Variants in SAE1 observed in about 807,000 individuals in gnomAD.
SAE1 encodes the protein SUMO-activating enzyme subunit 1.
A neutral mutation model predicts 40.6 loss-of-function variants in SAE1; 11 were observed. The observed-to-expected ratio is 0.27, with a 90% CI of 0.17 to 0.45. The LOEUF (loss-of-function observed/expected upper bound fraction) is 0.45. Among genes scored for constraint, SAE1 ranks in the 20% least tolerant of loss-of-function variants. The probability of loss-of-function intolerance (pLI) is 1.00; values close to 1 mark genes in which losing one functional copy is unlikely to be tolerated. For missense variants in SAE1, 373 were observed against 427.3 expected, an observed-to-expected ratio of 0.87 and a Z score of 1.12; for synonymous variants, 155 against 154.3, an observed-to-expected ratio of 1.00 and a Z score of -0.03.
intron 6 of SAE1, among the ~76,000 whole-genome samples, chr19:47,194,713 T>C (rs1213687427): frequency 6.7e-6 from 1 of 150,270 alleles, no homozygotes; most frequent in African/African-American, 2.4e-5. Context: ...CAAGGTGTAG[T>C]GGGCAGTTAG....
intron 6 of SAE1, among the ~76,000 whole-genome samples, chr19:47,189,802 C>G (rs1246050859): frequency 6.6e-6 from 1 of 152,118 alleles, no homozygotes; most frequent in African/African-American, 2.4e-5. Flanking sequence ...TACTAAAGTA[C>G]TGGTTTATTC....
chr19:47,197,506 G>A, intron 7 of SAE1, 129 bp downstream of exon 7: 1 of 636,040 alleles, frequency 1.6e-6, no homozygotes, highest in Non-Finnish European at 2.6e-6. Flanking sequence ...GCTCGCTCCT[G>A]TAGACTTCTG....
intron 7 of SAE1, among the ~76,000 whole-genome samples, chr19:47,202,477 G>A (rs983113939): frequency 1.3e-5 from 2 of 151,510 alleles, no homozygotes; most frequent in East Asian, 2.0e-4. Flanking sequence ...TAGTAGAAAC[G>A]GGGTTTCACC....
chr19:47,171,167 G>T (rs1010819146), intron 6 of SAE1, among the ~76,000 whole-genome samples: 8 of 151,718 alleles, frequency 5.3e-5, no homozygotes, highest in African/African-American at 1.5e-4. Context: ...TAGAGACAGG[G>T]TTTCACCATG....
chr19:47,180,380 G>A (rs2058498362), intron 6 of SAE1: 1 of 395,532 alleles, frequency 2.5e-6, no homozygotes, highest in East Asian at 7.2e-5. Flanking sequence ...AAAAGAACAA[G>A]AAGAATAATC....
chr19:47,192,200 G>A (rs896829942), intron 6 of SAE1, among the ~76,000 whole-genome samples: 1 of 152,082 alleles, frequency 6.6e-6, no homozygotes, highest in East Asian at 1.9e-4. Flanking sequence ...CGATAACCTG[G>A]TGAGCGGGTA....
At chr19:47,180,753 G>A (rs1407756202) in intron 6 of SAE1, among the ~76,000 whole-genome samples, 1 of 152,164 alleles carries the variant, frequency 6.6e-6, no homozygotes, top group African/African-American at 2.4e-5. Context: ...AGCGCAGGAG[G>A]TCGAAGCTGC....
At chr19:47,184,798 TTTTTGTTTTGTTTTGTTTTG>T (rs201318034) in intron 6 of SAE1, among the ~76,000 whole-genome samples, 115 of 148,568 alleles carry the variant, frequency 7.7e-4, no homozygotes, top group South Asian at 1.5e-3. Context: ...TTTTGTTTTG[TTTTTGTTTTGTTTTGTTTTG>T]TTTTGTTTTG....
chr19:47,198,220 C>G (rs1230276635), intron 7 of SAE1, among the ~76,000 whole-genome samples: 1 of 152,150 alleles, frequency 6.6e-6, no homozygotes, highest in African/African-American at 2.4e-5. Flanking sequence ...AGCGATTCTC[C>G]TAACTCAGCC....
At chr19:47,186,785 G>A (rs1398054051) in intron 6 of SAE1, among the ~76,000 whole-genome samples, 1 of 152,180 alleles carries the variant, frequency 6.6e-6, no homozygotes, top group Admixed American at 6.5e-5. Context: ...AGACGAAAGC[G>A]TGGGCAGGAC....
Position 47,202,529 on chromosome 19 carries a change from G to A in SAE1, c.879-1142G>A, listed in dbSNP as rs140846538. ...TCTCGATCTCTTGACTTTGTGATCC[G>A]CCCACCTCGACCTCCCAAAGTGCTG... On this transcript the variant is annotated intron_variant, in intron 7 of 8. Transcript: ENST00000270225. 1.7e-3 allele frequency among the ~76,000 whole-genome samples: 250 copies of A among 151,364 alleles called. 5 individuals carry two copies. The highest frequency in any genetic ancestry group is 0.013 in the Admixed American group (193 of 15,194).
At chr19:47,156,623 A>T (rs1320895614) in intron 5 of SAE1, among the ~76,000 whole-genome samples, 2 of 145,776 alleles carry the variant, frequency 1.4e-5, no homozygotes, top group African/African-American at 2.5e-5. Flanking sequence ...GGTTCAAGAG[A>T]TTTTCCTGCC....
rs748067590 is a variant in SAE1 at position 47,197,317 on chromosome 19, G to A, written c.818G>A (p.Arg273Gln). ...EEDSELLLQI[R>Q]NDVLDSLGIS... is the part of the protein sequence containing the mutation. ...GATTCTGAGTTGTTGCTCCAGATAC[G>A]AAATGATGTGCTTGACTCACTGGGT... The change falls in exon 7 of 9, where the codon CGA (arginine) becomes CAA (glutamine). Residue 273 changes from arginine to glutamine, a missense_variant. Arg to Gln is a conservative substitution (Grantham distance 43, BLOSUM62 1). This residue lies in a region of SAE1 where 351 missense variants were observed against 390.6 expected (regional missense o/e 0.90). Transcript: ENST00000270225. 1.1e-5 allele frequency: 17 copies of A among 1,613,914 alleles called. No individual in the cohort carries two copies. The highest frequency in any genetic ancestry group is 1.6e-4 in the Middle Eastern group (1 of 6,082).
chr19:47,195,162 C>T (rs1381023435), intron 6 of SAE1, among the ~76,000 whole-genome samples: 2 of 151,152 alleles, frequency 1.3e-5, no homozygotes, highest in African/African-American at 4.9e-5. Flanking sequence ...TCAAGCGATT[C>T]TCCTGCCTCA....
chr19:47,132,714 C>A (rs2123169357), intron 1 of SAE1, among the ~76,000 whole-genome samples: 1 of 151,898 alleles, frequency 6.6e-6, no homozygotes, highest in African/African-American at 2.4e-5. Flanking sequence ...TTGCCAAACC[C>A]AGTCTCTACA....
chr19:47,151,202 T>C lies in SAE1; in HGVS notation c.384+827T>C, dbSNP rs143017313. ...TTTGCTCTTGTCGCCCAGGCTGGAG[T>C]GCAATTGTGCGATCTTGGCTCATGG... On this transcript the variant is annotated intron_variant, in intron 3 of 8. Coordinates refer to ENST00000270225, the MANE Select transcript of SAE1 (RefSeq NM_005500.3). 8.2e-3 allele frequency among the ~76,000 whole-genome samples: 1,242 copies of C among 151,610 alleles called. 20 individuals are homozygous for C. The highest frequency in any genetic ancestry group is 0.028 in the African/African-American group (1,158 of 41,332).
chr19:47,136,854 T>C (rs1372319778), intron 1 of SAE1, among the ~76,000 whole-genome samples: 1 of 151,948 alleles, frequency 6.6e-6, no homozygotes, highest in Non-Finnish European at 1.5e-5. Flanking sequence ...TCTGTTCAGA[T>C]GAGGAAGGAG....
At chr19:47,168,919 C>G (rs879237319) in intron 5 of SAE1, among the ~76,000 whole-genome samples, 17 of 152,080 alleles carry the variant, frequency 1.1e-4, no homozygotes, top group African/African-American at 3.4e-4. Flanking sequence ...AATGGTATTT[C>G]AAAGTAAAAT....
chr19:47,204,500 A>ACC (rs35006784), intron 8 of SAE1, among the ~76,000 whole-genome samples: 3,183 of 97,358 alleles, frequency 0.033, 116 homozygotes, highest in East Asian at 0.07. Flanking sequence ...ACCCAGCCGC[A>ACC]CCCCCCCCCT....
Sources: gnomAD v4.1 joint callset for allele counts (sites outside exome capture counted in the v4.1 genomes callset) on GRCh38, gnomAD v4.1.1 for gene constraint, gnomAD v4.1.1 regional missense constraint, MANE v1.5 for transcripts, NCBI Gene and HGNC (gene_info 2026-07-23, HGNC 2026-07-21) for gene names.